NKAIN2: variants seen among roughly 807,000 people sequenced by gnomAD.
NKAIN2 encodes sodium/potassium transporting ATPase interacting 2, also known as sodium/potassium-transporting ATPase subunit beta-1-interacting protein 2.
In NKAIN2, 14 loss-of-function variants were observed where a neutral mutation model predicts 32.6. That is an observed-to-expected ratio of 0.43 (90% CI 0.28 to 0.67). NKAIN2 has a LOEUF of 0.67. Among genes scored for constraint, NKAIN2 ranks in the 30% least tolerant of loss-of-function variants. The probability of loss-of-function intolerance (pLI) is 0.17; values close to 1 mark genes in which losing one functional copy is unlikely to be tolerated. For synonymous variants in NKAIN2, 80 were observed against 87.2 expected, an observed-to-expected ratio of 0.92 and a Z score of 0.46; for missense variants, 198 against 258.3, an observed-to-expected ratio of 0.77 and a Z score of 1.60.
intron 3 of NKAIN2, among the ~76,000 whole-genome samples, chr6:124,437,702 G>A (rs1271286736): frequency 6.6e-6 from 1 of 152,086 alleles, no homozygotes; most frequent in African/African-American, 2.4e-5. Flanking sequence ...CCATTCATGA[G>A]GTTAAGTGCT....
At chr6:124,612,299 C>T (rs1441353685) in intron 3 of NKAIN2, among the ~76,000 whole-genome samples, 1 of 151,898 alleles carries the variant, frequency 6.6e-6, no homozygotes, top group African/African-American at 2.4e-5. Context: ...AGTTGCTTTG[C>T]ATTAATAAAA....
chr6:124,350,129 T>C (rs1306949773), intron 2 of NKAIN2, among the ~76,000 whole-genome samples: 1 of 152,180 alleles, frequency 6.6e-6, no homozygotes, highest in Non-Finnish European at 1.5e-5. Context: ...GATACTTTAT[T>C]ATATTAGGTC....
intron 1 of NKAIN2, among the ~76,000 whole-genome samples, chr6:123,924,084 A>C (rs1239416146): frequency 6.6e-6 from 1 of 152,168 alleles, no homozygotes; most frequent in Non-Finnish European, 1.5e-5. Context: ...AATATTAACT[A>C]TAGTTTTAGA....
Position 124,277,428 on chromosome 6 carries a change from C to CGTGT in NKAIN2, c.55-5550_55-5547dup, listed in dbSNP as rs56300244. Among the ~76,000 whole-genome samples, 75 of 145,316 alleles carry CGTGT rather than the reference C, an allele frequency of 5.2e-4. No homozygotes were observed. The Middle Eastern group carries it at 0.014, about 28-fold the overall frequency. ...TCCCTAGTAGTATGTGTCTGTGTGT[C>CGTGT]GTGTGTGTGTGTGTGTGTGTGTGTG... On this transcript the variant is annotated intron_variant, in intron 1 of 6. Coordinates refer to ENST00000368417, the MANE Select transcript of NKAIN2 (RefSeq NM_001040214.3).
intron 3 of NKAIN2, among the ~76,000 whole-genome samples, chr6:124,506,663 A>T (rs184493654): frequency 1.3e-5 from 2 of 152,338 alleles, no homozygotes; most frequent in South Asian, 4.1e-4. Context: ...ACATTGTTTT[A>T]GTAGAACTAT....
intron 4 of NKAIN2, among the ~76,000 whole-genome samples, chr6:124,694,643 C>T (rs550855404): frequency 2.0e-5 from 3 of 152,280 alleles, no homozygotes; most frequent in South Asian, 2.1e-4. Context: ...GTTGAATAAG[C>T]GCATCATGAC....
chr6:124,357,829 G>A (rs1199142700), intron 3 of NKAIN2, among the ~76,000 whole-genome samples: 1 of 145,482 alleles, frequency 6.9e-6, no homozygotes, highest in East Asian at 2.0e-4. Context: ...ACAACGTGCA[G>A]GTTTGTTACA....
chr6:124,130,201 A>G (rs1216398209), intron 1 of NKAIN2, among the ~76,000 whole-genome samples: 1 of 152,200 alleles, frequency 6.6e-6, no homozygotes, highest in Admixed American at 6.5e-5. Context: ...TTTGGATCCC[A>G]TTACCCAGGC....
At chr6:124,177,171 T>C in intron 1 of NKAIN2, among the ~76,000 whole-genome samples, 1 of 152,198 alleles carries the variant, frequency 6.6e-6, no homozygotes, top group Non-Finnish European at 1.5e-5. Context: ...TTACCAGTTT[T>C]AAATTAGGAG....
At chr6:124,768,288 G>A (rs959723535) in intron 4 of NKAIN2, among the ~76,000 whole-genome samples, 1 of 152,160 alleles carries the variant, frequency 6.6e-6, no homozygotes, top group Non-Finnish European at 1.5e-5. Flanking sequence ...TTTTTATTAA[G>A]CTTCTATATC....
intron 1 of NKAIN2, among the ~76,000 whole-genome samples, chr6:124,008,298 C>T (rs1025204637): frequency 3.9e-5 from 6 of 151,982 alleles, no homozygotes; most frequent in Admixed American, 2.0e-4. Flanking sequence ...TTCCTAGCAA[C>T]GAAAGAGTAG....
intron 2 of NKAIN2, among the ~76,000 whole-genome samples, chr6:124,320,494 C>G (rs1329058957): frequency 6.6e-6 from 1 of 152,126 alleles, no homozygotes; most frequent in Admixed American, 6.6e-5. Flanking sequence ...CCTGAGAGAG[C>G]CTACTCCCTT....
Position 124,791,322 on chromosome 6 carries a change from T to C in NKAIN2, c.475-17T>C. 1 of 1,603,054 alleles carries C rather than the reference T, an allele frequency of 6.2e-7. No individual in the cohort carries two copies. Among genetic ancestry groups the C allele is most frequent in the Non-Finnish European group, 8.5e-7 (1 of 1,171,368 alleles). On this transcript the variant is annotated splice_polypyrimidine_tract_variant and intron_variant, in intron 4 of 6. Transcript: ENST00000368417. ...GTGCCTTTTTCTGATGTCTAAAGCA[T>C]CTCTGTTTTGTTTCAGCTGGCAGGT...
At position 123,939,082 on chromosome 6, in the gene NKAIN2, A is replaced by G. The variant is rs372250581; in HGVS notation, c.54+134828A>G. On this transcript the variant is annotated intron_variant, in intron 1 of 6. Transcript: ENST00000368417. Reference sequence around the variant, plus strand: ...CGAGTCAGACTTTAGAAGTATAAGTAAAAGGATCTAGAAAATGGAAGCAAG... The same window carrying G: ...CGAGTCAGACTTTAGAAGTATAAGTGAAAGGATCTAGAAAATGGAAGCAAG... Among the ~76,000 whole-genome samples, 695 of 152,100 alleles carry G rather than the reference A, an allele frequency of 4.6e-3. 2 individuals carry two copies. The highest frequency in any genetic ancestry group is 0.016 in the African/African-American group (663 of 41,546).
chr6:123,857,509 T>C (rs555105855), intron 1 of NKAIN2, among the ~76,000 whole-genome samples: 1 of 152,116 alleles, frequency 6.6e-6, no homozygotes, highest in Non-Finnish European at 1.5e-5. Flanking sequence ...TAATTGAAAA[T>C]TTTTATTTTT....
intron 1 of NKAIN2, among the ~76,000 whole-genome samples, chr6:124,259,912 G>A (rs1448275062): frequency 6.6e-6 from 1 of 152,044 alleles, no homozygotes. Context: ...CTAATGCCAA[G>A]GGATTTCTGC....
chr6:124,198,586 T>G (rs1790437130), intron 1 of NKAIN2, among the ~76,000 whole-genome samples: 1 of 151,926 alleles, frequency 6.6e-6, no homozygotes, highest in South Asian at 2.1e-4. Flanking sequence ...ACTCTGAGTT[T>G]TTTCCTTTTC....
At chr6:123,953,176 G>A (rs1350969778) in intron 1 of NKAIN2, among the ~76,000 whole-genome samples, 1 of 152,122 alleles carries the variant, frequency 6.6e-6, no homozygotes, top group Non-Finnish European at 1.5e-5. Context: ...TTCCTCAGTG[G>A]CTTAAGGTGT....
chr6:124,430,240 G>A (rs975295902), intron 3 of NKAIN2, among the ~76,000 whole-genome samples: 4 of 152,298 alleles, frequency 2.6e-5, no homozygotes, highest in Non-Finnish European at 5.9e-5. Flanking sequence ...AATAGCTCAA[G>A]TTATTTTGAA....
Sources: gnomAD v4.1 joint callset for allele counts (sites outside exome capture counted in the v4.1 genomes callset) on GRCh38, gnomAD v4.1.1 for gene constraint, MANE v1.5 for transcripts, NCBI Gene and HGNC (gene_info 2026-07-23, HGNC 2026-07-21) for gene names.